The following ARNT2 variants were observed in gnomAD, a reference collection of about 807,000 sequenced individuals.
ARNT2 encodes aryl hydrocarbon receptor nuclear translocator 2.
ARNT2 carries 36 observed loss-of-function variants against 91.7 expected under a neutral mutation model. The observed-to-expected ratio is 0.39, with a 90% CI of 0.30 to 0.52. ARNT2 has a LOEUF of 0.52. Ranked by LOEUF, ARNT2 falls within the 20% of genes least tolerant of loss-of-function variation. ARNT2 has a pLI of 0.72. For missense variants in ARNT2, 775 were observed against 939.3 expected (o/e 0.83, Z 2.29); for synonymous variants, 365 against 347.1 (o/e 1.05, Z -0.57).
intron 8 of ARNT2, among the ~76,000 whole-genome samples, chr15:80,543,142 T>C (rs1897939127): frequency 6.7e-6 from 1 of 149,860 alleles, no homozygotes; most frequent in African/African-American, 2.5e-5. Flanking sequence ...TATATGCCTC[T>C]TGCCTTCTTT....
intron 8 of ARNT2, among the ~76,000 whole-genome samples, chr15:80,524,672 C>G (rs1023449319): frequency 1.2e-4 from 19 of 152,120 alleles, no homozygotes; most frequent in Middle Eastern, 6.8e-3. Context: ...GTCAGCAGAT[C>G]GAGACCATCC....
At chr15:80,585,630 A>G (rs1898881917) in intron 17 of ARNT2, among the ~76,000 whole-genome samples, 1 of 152,216 alleles carries the variant, frequency 6.6e-6, no homozygotes, top group East Asian at 1.9e-4. Flanking sequence ...CTGTAAAAGC[A>G]GCCTGCCCAC....
intron 5 of ARNT2, among the ~76,000 whole-genome samples, chr15:80,493,925 G>C (rs1384853479): frequency 1.3e-5 from 2 of 152,100 alleles, no homozygotes; most frequent in East Asian, 3.9e-4. Flanking sequence ...TTGTTTAAAA[G>C]AGCATGGCAC....
Position 80,594,317 on chromosome 15 carries a change from G to A in ARNT2, c.*619G>A, listed in dbSNP as rs1567011107. 6.5e-6 allele frequency: 1 copy of A among 152,784 alleles called. No homozygotes were observed. The highest frequency in any genetic ancestry group is 1.5e-5 in the Non-Finnish European group (1 of 68,490). 9.5% of individuals were successfully genotyped at this position (152,784 alleles called of 1,614,324 possible). ...GACTTGCTGTCCTAATGGATGTGTT[G>A]TGCCTTGTGTCTGTCATGTGTGGCC... On this transcript the variant is annotated 3_prime_UTR_variant, in exon 19 of 19. Transcript: ENST00000303329.
In ARNT2 at chr15:80,556,702, T is replaced by A. The variant is rs142788576; in HGVS notation, c.1164+1563T>A. 3 of 152,418 alleles carry A rather than the reference T, an allele frequency of 2.0e-5. No homozygotes were observed. In the East Asian group the frequency reaches 5.8e-4, roughly 29 times the overall value. 9.4% of individuals were successfully genotyped at this position (152,418 alleles called of 1,614,324 possible). A position where few individuals can be genotyped will look rare whatever the true frequency, so the allele number is the denominator to read the frequency against. ...CAAACATATGGGAAGCCTTGTCCCA[T>A]GCACTATTAAATCTGCACAGTAGTC... On this transcript the variant is annotated intron_variant, in intron 11 of 18. Transcript: ENST00000303329.
chr15:80,585,587 A>G (rs564181241), intron 17 of ARNT2, among the ~76,000 whole-genome samples: 1 of 152,300 alleles, frequency 6.6e-6, no homozygotes, highest in South Asian at 2.1e-4. Flanking sequence ...CTGTCTTGGT[A>G]ACACACTGTG....
At chr15:80,558,021 T>C (rs1898230334) in intron 11 of ARNT2, among the ~76,000 whole-genome samples, 1 of 152,230 alleles carries the variant, frequency 6.6e-6, no homozygotes, top group Non-Finnish European at 1.5e-5. Flanking sequence ...TGAGTCACGC[T>C]GGCCTTCTTT....
intron 12 of ARNT2, among the ~76,000 whole-genome samples, chr15:80,566,749 A>C (rs1203683009): frequency 6.6e-6 from 1 of 152,112 alleles, no homozygotes; most frequent in Non-Finnish European, 1.5e-5. Context: ...ACTCTGTCCA[A>C]CCAGCTCCTC....
intron 1 of ARNT2, among the ~76,000 whole-genome samples, chr15:80,435,057 G>A (rs150758207): frequency 0.018 from 2,672 of 152,122 alleles, 39 homozygotes; most frequent in Non-Finnish European, 0.027. Flanking sequence ...ACCGGTTGTC[G>A]CCTGTACCAC....
chr15:80,597,488 C>A lies in ARNT2; in HGVS notation c.*3790C>A. 3.1e-6 allele frequency: 1 copy of A among 324,762 alleles called. No homozygotes were observed. The highest frequency in any genetic ancestry group is 6.1e-6 in the Non-Finnish European group (1 of 162,844). 20.1% of individuals were successfully genotyped at this position (324,762 alleles called of 1,614,324 possible). On this transcript the variant is annotated 3_prime_UTR_variant, in exon 19 of 19. Coordinates refer to ENST00000303329, the MANE Select transcript of ARNT2 (RefSeq NM_014862.4). ...ACCTGGACATTCACCTTTTCTTTGA[C>A]CATCTGGAGTCTGGGGCAACTTAAG...
intron 8 of ARNT2, among the ~76,000 whole-genome samples, chr15:80,515,267 C>T (rs1309460017): frequency 6.6e-6 from 1 of 152,082 alleles, no homozygotes; most frequent in African/African-American, 2.4e-5. Flanking sequence ...CCTAAATATA[C>T]AACCAAGAGA....
intron 8 of ARNT2, among the ~76,000 whole-genome samples, chr15:80,524,685 G>A (rs771407677): frequency 6.6e-6 from 1 of 152,044 alleles, no homozygotes; most frequent in Non-Finnish European, 1.5e-5. Context: ...GACCATCCTG[G>A]CCAACATGGT....
Position 80,485,595 on chromosome 15 carries a change from A to C in ARNT2, c.622+10372A>C, listed in dbSNP as rs564253253. On this transcript the variant is annotated intron_variant, in intron 5 of 18. Coordinates refer to ENST00000303329, the MANE Select transcript of ARNT2 (RefSeq NM_014862.4). The stretch of plus-strand genomic sequence containing the variant: ...AATACAGAATGGGACATGTCTGGGC[A>C]GGTTGGAGAATGCCCCTGTGAGTGA... 3.3e-5 allele frequency among the ~76,000 whole-genome samples: 5 copies of C among 152,358 alleles called. No homozygotes were observed. The East Asian group carries it at 9.6e-4, about 29-fold the overall frequency.
intron 1 of ARNT2, among the ~76,000 whole-genome samples, chr15:80,445,886 C>G (rs926462109): frequency 1.3e-5 from 2 of 152,018 alleles, no homozygotes; most frequent in Non-Finnish European, 2.9e-5. Context: ...GGGCCTTCTG[C>G]CCCCTCTGCC....
At chr15:80,462,529 G>T (rs942005485) in intron 3 of ARNT2, among the ~76,000 whole-genome samples, 1 of 152,130 alleles carries the variant, frequency 6.6e-6, no homozygotes, top group Non-Finnish European at 1.5e-5. Context: ...GTATATTTTT[G>T]CTCCCTTCAG....
intron 17 of ARNT2, among the ~76,000 whole-genome samples, chr15:80,586,257 C>T (rs1244788894): frequency 1.3e-5 from 2 of 152,116 alleles, no homozygotes; most frequent in Non-Finnish European, 2.9e-5. Context: ...ATCTAAGTTA[C>T]ATTATTTTCT....
chr15:80,590,971 G>A (rs1893268058), intron 17 of ARNT2, among the ~76,000 whole-genome samples: 1 of 152,200 alleles, frequency 6.6e-6, no homozygotes, highest in African/African-American at 2.4e-5. Context: ...AAAAGACTGT[G>A]GTGCTTGGCC....
rs117124442 is a variant in ARNT2 at position 80,568,428 on chromosome 15, G to A, written c.1316+5189G>A. Among the ~76,000 whole-genome samples the A allele has an allele frequency of 1.2e-4, 18 of 152,262 alleles. No individual in the cohort carries two copies. In the East Asian group the frequency reaches 2.9e-3, roughly 25 times the overall value. On this transcript the variant is annotated intron_variant, in intron 12 of 18. Coordinates refer to ENST00000303329, the MANE Select transcript of ARNT2 (RefSeq NM_014862.4). ...GTTGTCATAACCACACCTGTTGGTCGTGCTCGTGTATGTGTGTGTGTGTGC... is the reference window on the plus strand; with the variant it reads ...GTTGTCATAACCACACCTGTTGGTCATGCTCGTGTATGTGTGTGTGTGTGC...
chr15:80,580,290 A>T, intron 15 of ARNT2, 121 bp from the exon 16 acceptor site: 1 of 1,262,934 alleles, frequency 7.9e-7, no homozygotes, highest in Non-Finnish European at 1.1e-6. Flanking sequence ...TTCTCTAGTG[A>T]CGTGCTGCAT....
Sources: gnomAD v4.1 joint callset for allele counts (sites outside exome capture counted in the v4.1 genomes callset) on GRCh38, gnomAD v4.1.1 for gene constraint, MANE v1.5 for transcripts, NCBI Gene and HGNC (gene_info 2026-07-23, HGNC 2026-07-21) for gene names.